Variants in SDK1 observed in about 807,000 individuals in gnomAD.
SDK1 encodes the protein sidekick cell adhesion molecule 1.
In SDK1, 157 loss-of-function variants were observed where a neutral mutation model predicts 245.5. That is an observed-to-expected ratio of 0.64 (90% confidence interval 0.56 to 0.73). The LOEUF (loss-of-function observed/expected upper bound fraction) is 0.73, where lower values mean the gene tolerates loss of function less well. SDK1 is among the 30% of genes least tolerant of loss of function. SDK1 has a pLI of 0.00. For missense variants in SDK1, 3,583 were observed against 3,002.3 expected, an observed-to-expected ratio of 1.19 and a Z score of -4.52; for synonymous variants, 1,647 against 1,278.5, an observed-to-expected ratio of 1.29 and a Z score of -6.15.
intron 6 of SDK1, 35 bp downstream of exon 6, chr7:3,951,069 A>G (rs1316349219): frequency 1.4e-6 from 2 of 1,439,960 alleles, no homozygotes; most frequent in South Asian, 1.1e-5. Context: ...CTCCTAGTAA[A>G]TATTCCATGA....
At chr7:3,504,881 A>G (rs1006367087) in intron 1 of SDK1, among the ~76,000 whole-genome samples, 25 of 152,198 alleles carry the variant, frequency 1.6e-4, no homozygotes, top group Admixed American at 1.4e-3. Context: ...TACAATTAAT[A>G]TATGACCTAG....
At chr7:3,338,296 A>G in intron 1 of SDK1, 1 of 481,512 alleles carries the variant, frequency 2.1e-6, no homozygotes, top group Non-Finnish European at 3.9e-6. Flanking sequence ...AAGTGTTACC[A>G]TGGCAAAACT....
intron 21 of SDK1, among the ~76,000 whole-genome samples, chr7:4,078,534 A>C (rs1780842618): frequency 6.6e-6 from 1 of 152,180 alleles, no homozygotes; most frequent in African/African-American, 2.4e-5. Context: ...ACCTGGTTTC[A>C]AACACCCCAA....
chr7:3,499,346 CT>C (rs1782122712), intron 1 of SDK1, among the ~76,000 whole-genome samples: 1 of 152,150 alleles, frequency 6.6e-6, no homozygotes, highest in East Asian at 1.9e-4. Context: ...TCCTTAATGA[CT>C]TAGCCATTTT....
chr7:3,878,053 T>C (rs550670931), intron 5 of SDK1, among the ~76,000 whole-genome samples: 4 of 152,374 alleles, frequency 2.6e-5, no homozygotes, highest in Non-Finnish European at 4.4e-5. Flanking sequence ...TTCTAAGTTG[T>C]ACATACTCCC....
At chr7:4,093,359 T>C (rs1781925789) in intron 22 of SDK1, among the ~76,000 whole-genome samples, 2 of 151,682 alleles carry the variant, frequency 1.3e-5, no homozygotes, top group South Asian at 4.1e-4. Context: ...ACGTCTAGTC[T>C]TCTCAAAAGC....
chr7:4,172,037 C>G (rs913139196), intron 32 of SDK1, among the ~76,000 whole-genome samples: 1 of 152,192 alleles, frequency 6.6e-6, no homozygotes, highest in African/African-American at 2.4e-5. Flanking sequence ...GGAGTAGTGT[C>G]TAAGGGTGTG....
At chr7:3,965,177 T>G (rs1377072420) in intron 9 of SDK1, among the ~76,000 whole-genome samples, 1 of 152,158 alleles carries the variant, frequency 6.6e-6, no homozygotes, top group Non-Finnish European at 1.5e-5. Context: ...TGTGTTCCAA[T>G]AAAACTTTAT....
At chr7:3,547,932 A>G (rs1284891980) in intron 1 of SDK1, among the ~76,000 whole-genome samples, 1 of 152,190 alleles carries the variant, frequency 6.6e-6, no homozygotes, top group African/African-American at 2.4e-5. Flanking sequence ...TTTGTTGAAG[A>G]ACGTATTGGA....
intron 1 of SDK1, among the ~76,000 whole-genome samples, chr7:3,545,889 T>C (rs1303035701): frequency 1.4e-4 from 22 of 152,230 alleles, no homozygotes; most frequent in Admixed American, 1.4e-3. Context: ...TATATTCTAG[T>C]TTCCTTCTTT....
chr7:3,825,958 C>T (rs1345175920), intron 5 of SDK1, among the ~76,000 whole-genome samples: 1 of 152,182 alleles, frequency 6.6e-6, no homozygotes, highest in African/African-American at 2.4e-5. Flanking sequence ...AATTTAGAAC[C>T]AAGCATAGTT....
intron 1 of SDK1, among the ~76,000 whole-genome samples, chr7:3,433,638 C>T (rs1252933919): frequency 6.6e-6 from 1 of 152,146 alleles, no homozygotes; most frequent in Non-Finnish European, 1.5e-5. Context: ...AATGGTTAAT[C>T]TTTGTATGGC....
rs1318677046 is a variant in SDK1 at position 3,619,202 on chromosome 7, G to A, written c.421G>A (p.Asp141Asn). ...SWPLEFKWMR[D>N]DSELTTYSSE... ...GCCTTTGGAGTTCAAGTGGATGCGC[G>A]ATGACAGTGAGCTCACCACCTACAG... Residue 141 changes from aspartate to asparagine, a missense_variant, in exon 2 of 45, where the codon GAT becomes AAT. Coordinates refer to ENST00000404826, the MANE Select transcript of SDK1 (RefSeq NM_152744.4). The A allele has an allele frequency of 3.7e-6, 6 of 1,613,318 alleles. No homozygotes were observed. Among genetic ancestry groups the A allele is most frequent in the East Asian group, 2.2e-5 (1 of 44,834 alleles).
intron 1 of SDK1, among the ~76,000 whole-genome samples, chr7:3,582,138 C>G (rs77658225): frequency 2.8e-5 from 4 of 142,270 alleles, no homozygotes; most frequent in African/African-American, 7.8e-5. Context: ...AGGTAGGTCT[C>G]CCTCAGGTAG....
chr7:3,994,064 T>C (rs979431347), intron 14 of SDK1, among the ~76,000 whole-genome samples: 1 of 152,152 alleles, frequency 6.6e-6, no homozygotes, highest in Non-Finnish European at 1.5e-5. Context: ...TTTCCCCTCC[T>C]GCCCCTAAAA....
At chr7:3,884,183 C>A (rs368395309) in intron 5 of SDK1, among the ~76,000 whole-genome samples, 1 of 151,770 alleles carries the variant, frequency 6.6e-6, no homozygotes, top group African/African-American at 2.4e-5. Context: ...TGGGCTCAAG[C>A]GATCCTCCCA....
intron 4 of SDK1, among the ~76,000 whole-genome samples, chr7:3,804,353 C>T (rs1779186838): frequency 6.6e-6 from 1 of 152,136 alleles, no homozygotes; most frequent in African/African-American, 2.4e-5. Context: ...ACTTCCCTTC[C>T]TTCACAGATT....
chr7:4,011,012 A>C lies in SDK1; in HGVS notation c.2178A>C (p.Thr726=). 6.2e-7 allele frequency: 1 copy of C among 1,614,192 alleles called. No individual in the cohort carries two copies. The highest frequency in any genetic ancestry group is 8.5e-7 in the Non-Finnish European group (1 of 1,180,034). The change falls in exon 15 of 45, where the codon ACA becomes ACC. Residue 726 remains threonine, a synonymous_variant. Transcript: ENST00000404826. ...VHLSNVGPEM[T]GVTVSGLTPA... is the part of the protein sequence containing the mutation. ...TGTCAAACGTTGGCCCTGAGATGAC[A>C]GGCGTCACCGTGAGTGGCCTGACTC...
At chr7:3,435,225 A>G (rs531230808) in intron 1 of SDK1, among the ~76,000 whole-genome samples, 1 of 151,790 alleles carries the variant, frequency 6.6e-6, no homozygotes, top group South Asian at 2.1e-4. Context: ...GAGAAAGCAA[A>G]ATATTAGGCA....
Sources: gnomAD v4.1 joint callset for allele counts (sites outside exome capture counted in the v4.1 genomes callset) on GRCh38, gnomAD v4.1.1 for gene constraint, MANE v1.5 for transcripts, NCBI Gene and HGNC (gene_info 2026-07-23, HGNC 2026-07-21) for gene names.